Variants in RPRD1B observed in about 807,000 individuals in gnomAD.
RPRD1B encodes regulation of nuclear pre-mRNA domain containing 1B, also known as regulation of nuclear pre-mRNA domain-containing protein 1B.
In RPRD1B, 11 loss-of-function variants were observed where a neutral mutation model predicts 41.5. The ratio of observed to expected loss-of-function variants is 0.27; its 90% CI spans 0.17 to 0.44. The LOEUF (loss-of-function observed/expected upper bound fraction) is 0.44, where lower values mean the gene tolerates loss of function less well. RPRD1B is among the 20% of genes least tolerant of loss of function. The probability of loss-of-function intolerance (pLI) is 1.00; values close to 1 mark genes in which losing one functional copy is unlikely to be tolerated. For missense variants in RPRD1B, 248 were observed against 389.9 expected (o/e 0.64, Z 3.06); for synonymous variants, 158 against 155.6 (o/e 1.02, Z -0.12).
At chr20:38,075,111 G>T (rs2074446621) in intron 6 of RPRD1B, among the ~76,000 whole-genome samples, 1 of 152,174 alleles carries the variant, frequency 6.6e-6, no homozygotes. Context: ...TTTTCTTCCT[G>T]TAGATTTCTA....
intron 6 of RPRD1B, among the ~76,000 whole-genome samples, chr20:38,070,877 G>A (rs1166563349): frequency 1.3e-5 from 2 of 151,790 alleles, no homozygotes; most frequent in Non-Finnish European, 2.9e-5. Context: ...GACTACAGGC[G>A]CATGCCACCA....
At chr20:38,086,373 A>C (rs1389531699) in intron 6 of RPRD1B, among the ~76,000 whole-genome samples, 1 of 152,238 alleles carries the variant, frequency 6.6e-6, no homozygotes, top group Non-Finnish European at 1.5e-5. Flanking sequence ...AAGCAGGTAC[A>C]TGTTTTAACA....
rs552210642 is a variant in RPRD1B, at chr20:38,077,991, C to T, written c.831+11735C>T. The stretch of plus-strand genomic sequence containing the variant: ...AAGAGTTTGAGACCATCCTGAGCTA[C>T]ATGGCAAAACCCCGTCTCTATCAAA... On this transcript the variant is annotated intron_variant, in intron 6 of 6. Coordinates refer to ENST00000373433, the MANE Select transcript of RPRD1B (RefSeq NM_021215.4). Among the ~76,000 whole-genome samples, 14 of 152,110 alleles carry T rather than the reference C, an allele frequency of 9.2e-5. No individual in the cohort carries two copies. The South Asian group carries it at 2.7e-3, about 29-fold the overall frequency.
chr20:38,037,372 C>CT (rs1329302732), intron 1 of RPRD1B, among the ~76,000 whole-genome samples: 1 of 152,162 alleles, frequency 6.6e-6, no homozygotes, highest in African/African-American at 2.4e-5. Flanking sequence ...TGCAGAATTA[C>CT]TTTAAGACTT....
At chr20:38,039,325 C>T (rs1413186143) in intron 1 of RPRD1B, among the ~76,000 whole-genome samples, 2 of 152,026 alleles carry the variant, frequency 1.3e-5, no homozygotes, top group African/African-American at 4.8e-5. Context: ...TATTGGTGCA[C>T]CTAGAGATTC....
intron 1 of RPRD1B, among the ~76,000 whole-genome samples, chr20:38,039,366 A>G (rs1312977191): frequency 2.0e-5 from 3 of 152,066 alleles, no homozygotes; most frequent in Admixed American, 6.5e-5. Context: ...TTATTGGAGT[A>G]TCAGAGAAAT....
chr20:38,041,741 T>A (rs1276144605), intron 2 of RPRD1B, among the ~76,000 whole-genome samples: 1 of 152,236 alleles, frequency 6.6e-6, no homozygotes, highest in Non-Finnish European at 1.5e-5. Flanking sequence ...CTTAACTTTT[T>A]GAGCCCAAAT....
chr20:38,064,182 T>C (rs1206516674), intron 5 of RPRD1B, among the ~76,000 whole-genome samples: 1 of 152,186 alleles, frequency 6.6e-6, no homozygotes, highest in East Asian at 1.9e-4. Flanking sequence ...CTCTTTCCTT[T>C]GTGTTCCATT....
At chr20:38,061,278 C>G (rs943410885) in intron 5 of RPRD1B, among the ~76,000 whole-genome samples, 4 of 152,148 alleles carry the variant, frequency 2.6e-5, no homozygotes, top group Non-Finnish European at 5.9e-5. Flanking sequence ...TAAACAATAA[C>G]TCATCATTTT....
At chr20:38,089,520 A>G (rs1031941663) in intron 6 of RPRD1B, among the ~76,000 whole-genome samples, 9 of 152,148 alleles carry the variant, frequency 5.9e-5, no homozygotes, top group Non-Finnish European at 8.8e-5. Context: ...ACTGTTGCCA[A>G]TATGGCACTC....
At chr20:38,039,407 C>CTTTTTTTTTTTTTTTTTTTTTTT (rs1165738530) in intron 1 of RPRD1B, among the ~76,000 whole-genome samples, 107 of 141,688 alleles carry the variant, frequency 7.6e-4, no homozygotes, top group African/African-American at 2.4e-3. Context: ...TACAAGAAAC[C>CTTTTTTTTTTTTTTTTTTTTTTT]TTTTTTTTTT....
intron 3 of RPRD1B, among the ~76,000 whole-genome samples, chr20:38,050,511 A>G (rs80039661): frequency 1.6e-3 from 239 of 152,316 alleles, no homozygotes; most frequent in Non-Finnish European, 2.7e-3. Flanking sequence ...TTTTAAGAAC[A>G]CCTTTGGGCA....
At chr20:38,047,227 T>G (rs1159821332) in intron 2 of RPRD1B, among the ~76,000 whole-genome samples, 1 of 152,200 alleles carries the variant, frequency 6.6e-6, no homozygotes, top group African/African-American at 2.4e-5. Flanking sequence ...TTAAAAAGTT[T>G]AACAAAAAAA....
chr20:38,044,478 A>G (rs1381206552), intron 2 of RPRD1B, among the ~76,000 whole-genome samples: 1 of 145,916 alleles, frequency 6.9e-6, no homozygotes, highest in East Asian at 2.0e-4. Context: ...GGTTCATGCC[A>G]TTCTCCTGCC....
At chr20:38,039,803 G>A (rs930529998) in intron 1 of RPRD1B, among the ~76,000 whole-genome samples, 16 of 148,998 alleles carry the variant, frequency 1.1e-4, no homozygotes, top group Admixed American at 1.4e-4. Context: ...GTGCAATCTC[G>A]GCTCACTGCA....
intron 2 of RPRD1B, among the ~76,000 whole-genome samples, chr20:38,041,280 A>G (rs538423357): frequency 6.6e-6 from 1 of 152,384 alleles, no homozygotes; most frequent in South Asian, 2.1e-4. Flanking sequence ...GTAAATATAT[A>G]AACAGATATT....
intron 2 of RPRD1B, among the ~76,000 whole-genome samples, chr20:38,047,023 G>C (rs1413279428): frequency 6.6e-6 from 1 of 152,168 alleles, no homozygotes; most frequent in African/African-American, 2.4e-5. Context: ...TAATGCAGGC[G>C]AGAGATGATA....
At chr20:38,064,638 T>G (rs1003401221) in intron 5 of RPRD1B, among the ~76,000 whole-genome samples, 1 of 152,238 alleles carries the variant, frequency 6.6e-6, no homozygotes, top group African/African-American at 2.4e-5. Flanking sequence ...TCTCATTTCT[T>G]AATTATGAGC....
At chr20:38,076,826 C>T (rs1419952857) in intron 6 of RPRD1B, among the ~76,000 whole-genome samples, 1 of 147,806 alleles carries the variant, frequency 6.8e-6, no homozygotes, top group Non-Finnish European at 1.5e-5. Context: ...GGTTCTTCTG[C>T]TTTTTCATCC....
Sources: allele counts gnomAD v4.1 joint callset (sites outside exome capture counted in the v4.1 genomes callset), GRCh38; gene constraint gnomAD v4.1.1; transcripts MANE v1.5; gene names NCBI Gene and HGNC (gene_info 2026-07-23, HGNC 2026-07-21).